The following NRCAM variants were observed in gnomAD, a reference collection of about 807,000 sequenced individuals.
NRCAM encodes the protein neuronal cell adhesion molecule, also known as NgCAM-related cell adhesion molecule.
Under a neutral mutation model 156.5 loss-of-function variants are expected in NRCAM, and 83 were observed. The ratio of observed to expected loss-of-function variants is 0.53; its 90% CI spans 0.44 to 0.64. The LOEUF is 0.64. NRCAM is among the 30% of genes least tolerant of loss of function. NRCAM has a pLI of 0.00. For synonymous variants in NRCAM, 538 were observed against 563.9 expected, an observed-to-expected ratio of 0.95 and a Z score of 0.65; for missense variants, 1,417 against 1,597.3, an observed-to-expected ratio of 0.89 and a Z score of 1.92.
intron 2 of NRCAM, among the ~76,000 whole-genome samples, chr7:108,318,353 A>G (rs1481962553): frequency 6.6e-6 from 1 of 151,922 alleles, no homozygotes; most frequent in African/African-American, 2.4e-5. Flanking sequence ...CCAGAAATTC[A>G]CTTTTCTAAT....
At chr7:108,345,901 G>A (rs1285068612) in intron 2 of NRCAM, among the ~76,000 whole-genome samples, 1 of 152,246 alleles carries the variant, frequency 6.6e-6, no homozygotes, top group Non-Finnish European at 1.5e-5. Context: ...ATGGGTGTCT[G>A]TGGGGGAGCC....
intron 13 of NRCAM, among the ~76,000 whole-genome samples, chr7:108,199,851 G>T (rs2077037587): frequency 1.3e-5 from 2 of 152,106 alleles, no homozygotes; most frequent in African/African-American, 4.8e-5. Flanking sequence ...GGCGGGGTGG[G>T]GTAGAAGGAG....
At chr7:108,182,051 G>T in intron 23 of NRCAM, 114 bp from the exon 24 acceptor site, 2 of 686,394 alleles carry the variant, frequency 2.9e-6, no homozygotes, top group Non-Finnish European at 5.0e-6. Context: ...CTATTCTATG[G>T]ATTATTAAGG....
At chr7:108,320,436 G>GACAAA (rs201917496) in intron 2 of NRCAM, among the ~76,000 whole-genome samples, 7,249 of 151,584 alleles carry the variant, frequency 0.048, 213 homozygotes, top group Middle Eastern at 0.099. Context: ...AACAGAGCTA[G>GACAAA]ACAAAACAAA....
chr7:108,202,726 A>C (rs1398292942), intron 13 of NRCAM, among the ~76,000 whole-genome samples: 1 of 152,198 alleles, frequency 6.6e-6, no homozygotes, highest in Non-Finnish European at 1.5e-5. Flanking sequence ...TGCTTATCTT[A>C]CATTCCTGGC....
At chr7:108,391,384 C>T (rs996449440) in intron 2 of NRCAM, among the ~76,000 whole-genome samples, 3 of 152,032 alleles carry the variant, frequency 2.0e-5, no homozygotes, top group East Asian at 3.9e-4. Context: ...TATCAGAGAC[C>T]AGGATTGCAA....
intron 2 of NRCAM, among the ~76,000 whole-genome samples, chr7:108,395,682 T>A (rs2099774842): frequency 6.6e-6 from 1 of 152,206 alleles, no homozygotes; most frequent in East Asian, 1.9e-4. Context: ...AGGAAGGCAG[T>A]CTCCAGTGCT....
At chr7:108,448,744 C>T (rs908565010) in intron 1 of NRCAM, among the ~76,000 whole-genome samples, 38 of 152,130 alleles carry the variant, frequency 2.5e-4, no homozygotes, top group African/African-American at 8.2e-4. Flanking sequence ...ATATGAAAAA[C>T]TTCGAGAGTA....
chr7:108,427,222 C>A (rs932722582), intron 1 of NRCAM, among the ~76,000 whole-genome samples: 40 of 152,132 alleles, frequency 2.6e-4, no homozygotes, highest in African/African-American at 9.2e-4. Flanking sequence ...CCCAAAGACC[C>A]AGGGCATGCA....
At chr7:108,170,170 T>C (rs1263328919) in intron 28 of NRCAM, among the ~76,000 whole-genome samples, 1 of 151,886 alleles carries the variant, frequency 6.6e-6, no homozygotes, top group African/African-American at 2.4e-5. Context: ...ATAAAGAAAT[T>C]ACCATATATA....
intron 3 of NRCAM, among the ~76,000 whole-genome samples, chr7:108,292,542 C>T (rs938436224): frequency 2.0e-5 from 3 of 152,134 alleles, no homozygotes; most frequent in African/African-American, 7.2e-5. Context: ...AAAAAATCAT[C>T]AAACCAGTAG....
Position 108,247,399 on chromosome 7 carries a change from T to C in NRCAM, c.-106-7229A>G, listed in dbSNP as rs2096014851. On this transcript the variant is annotated intron_variant, in intron 3 of 32. Transcript: ENST00000379028. The stretch of plus-strand genomic sequence containing the variant: ...CCTAAATTAGTAAATAGTGTGGCAA[T>C]GTAGACTTCTCTTCAAAACTAATCT... Among the ~76,000 whole-genome samples the C allele has an allele frequency of 2.0e-5, 3 of 152,304 alleles. No individual in the cohort carries two copies. The South Asian group carries it at 6.2e-4, about 32-fold the overall frequency.
intron 2 of NRCAM, among the ~76,000 whole-genome samples, chr7:108,388,376 C>T (rs142642947): frequency 1.2e-3 from 176 of 152,250 alleles, no homozygotes; most frequent in African/African-American, 3.8e-3. Context: ...AATGTCTGTT[C>T]GTATCCTTTG....
At chr7:108,226,602 T>C (rs942619330) in intron 8 of NRCAM, among the ~76,000 whole-genome samples, 1 of 151,080 alleles carries the variant, frequency 6.6e-6, no homozygotes, top group African/African-American at 2.4e-5. Flanking sequence ...TTCTCTGGGG[T>C]GGGGGCAGAG....
intron 11 of NRCAM, among the ~76,000 whole-genome samples, chr7:108,212,689 A>T (rs896158096): frequency 6.6e-6 from 1 of 152,182 alleles, no homozygotes. Context: ...ACCCAATCCA[A>T]CAAATACAAA....
chr7:108,184,332 CAT>C lies in NRCAM; in HGVS notation c.2234-23_2234-22del, dbSNP rs752332286. 46 of 1,613,796 alleles carry C rather than the reference CAT, an allele frequency of 2.9e-5. No homozygotes were observed. In the South Asian group the frequency reaches 3.4e-4, roughly 12 times the overall value. On this transcript the variant is annotated intron_variant, in intron 21 of 32. Coordinates refer to ENST00000379028, the MANE Select transcript of NRCAM (RefSeq NM_001037132.4). ...TGGTTCTGGAAGTTAAGCAGCCACACATGTGTAAGCTTTGGCCTTTTGCGAAG... is the reference window on the plus strand; with the variant it reads ...TGGTTCTGGAAGTTAAGCAGCCACACGTGTAAGCTTTGGCCTTTTGCGAAG...
chr7:108,191,978 T>C (rs953028214), intron 17 of NRCAM, 125 bp from the exon 18 acceptor site: 2 of 983,770 alleles, frequency 2.0e-6, no homozygotes, highest in South Asian at 3.6e-5. Flanking sequence ...TTTCAAAAGT[T>C]AGAGCAAAAT....
chr7:108,300,375 T>C (rs2098576210), intron 3 of NRCAM, among the ~76,000 whole-genome samples: 1 of 151,998 alleles, frequency 6.6e-6, no homozygotes, highest in Non-Finnish European at 1.5e-5. Flanking sequence ...TTTATCTTTA[T>C]GCAATAAAAT....
rs573640706 is a variant in NRCAM at position 108,149,811 on chromosome 7, A to G, written c.*99T>C. 2.2e-6 allele frequency: 2 copies of G among 920,546 alleles called. No homozygotes were observed. Among genetic ancestry groups the G allele is most frequent in the Admixed American group, 2.4e-5 (1 of 42,288 alleles). 57.0% of individuals were successfully genotyped at this position (920,546 alleles called of 1,614,324 possible). A position where few individuals can be genotyped will look rare whatever the true frequency, so the allele number is the denominator to read the frequency against. ...ATAATACTAACATACAGCAGAAAAT[A>G]TACTCTCTACCCATATGTTCATAGT... On this transcript the variant is annotated 3_prime_UTR_variant, in exon 33 of 33. Coordinates refer to ENST00000379028, the MANE Select transcript of NRCAM (RefSeq NM_001037132.4).
Sources: allele counts gnomAD v4.1 joint callset (sites outside exome capture counted in the v4.1 genomes callset), GRCh38; gene constraint gnomAD v4.1.1; transcripts MANE v1.5; gene names NCBI Gene and HGNC (gene_info 2026-07-23, HGNC 2026-07-21).